Variants in VWA8 observed in about 807,000 individuals in gnomAD.
VWA8 encodes the protein von Willebrand factor A domain containing 8.
In VWA8, 221 loss-of-function variants were observed where a neutral mutation model predicts 241.5. The observed-to-expected ratio is 0.91, with a 90% CI of 0.82 to 1.02. The LOEUF (loss-of-function observed/expected upper bound fraction) is 1.02. VWA8 is among the 50% of genes least tolerant of loss of function. VWA8 has a pLI of 0.00. For synonymous variants in VWA8, 852 were observed against 827.1 expected, an observed-to-expected ratio of 1.03 and a Z score of -0.52; for missense variants, 2,322 against 2,328.7, an observed-to-expected ratio of 1.00 and a Z score of 0.06.
intron 12 of VWA8, among the ~76,000 whole-genome samples, chr13:41,837,527 G>A (rs1871795587): frequency 6.6e-6 from 1 of 152,154 alleles, no homozygotes; most frequent in Admixed American, 6.5e-5. Context: ...CTAATTTCAG[G>A]TAATAAGCTA....
At chr13:41,686,881 T>C (rs2045139882) in intron 34 of VWA8, among the ~76,000 whole-genome samples, 1 of 152,040 alleles carries the variant, frequency 6.6e-6, no homozygotes, top group Non-Finnish European at 1.5e-5. Context: ...CTACATCCCA[T>C]TCCAGGCTGC....
chr13:41,830,393 G>T, intron 14 of VWA8, 136 bp downstream of exon 14: 2 of 620,200 alleles, frequency 3.2e-6, no homozygotes, highest in Non-Finnish European at 5.3e-6. Context: ...TGCCAAAGTA[G>T]TGGCATATCC....
intron 26 of VWA8, among the ~76,000 whole-genome samples, chr13:41,712,967 T>C (rs1265655619): frequency 6.6e-6 from 1 of 152,234 alleles, no homozygotes; most frequent in Admixed American, 6.5e-5. Flanking sequence ...CCTCACTTGA[T>C]ATGTTTATGT....
chr13:41,617,564 C>T (rs1033471841), intron 37 of VWA8, among the ~76,000 whole-genome samples: 7 of 152,168 alleles, frequency 4.6e-5, no homozygotes, highest in African/African-American at 1.4e-4. Context: ...ATAGTATACA[C>T]ATGCCATGTT....
At chr13:41,744,196 A>C (rs2045587767) in intron 21 of VWA8, among the ~76,000 whole-genome samples, 1 of 152,192 alleles carries the variant, frequency 6.6e-6, no homozygotes, top group Admixed American at 6.5e-5. Flanking sequence ...ACCTCTTTTC[A>C]CTGGCCTTAT....
Position 41,783,889 on chromosome 13 carries a change from G to A in VWA8, c.2183C>T (p.Ser728Phe), listed in dbSNP as rs766638475. ...ELKDYKCEVT[S>F]GTLRIGAVSA... ...AACAGCACCAATCCTCAGAGTTCCA[G>A]ATGTTACTTCACCTAAACATTTCAC... Residue 728 changes from serine (S) to phenylalanine (F), a missense_variant, in exon 19 of 45, where the codon TCT (serine) becomes TTT (phenylalanine). Transcript: ENST00000379310. 2 of 1,613,268 alleles carry A rather than the reference G, an allele frequency of 1.2e-6. No individual in the cohort carries two copies. The highest frequency in any genetic ancestry group is 1.1e-5 in the South Asian group (1 of 90,984).
At chr13:41,904,123 A>T (rs888430038) in intron 4 of VWA8, among the ~76,000 whole-genome samples, 1 of 152,178 alleles carries the variant, frequency 6.6e-6, no homozygotes, top group African/African-American at 2.4e-5. Context: ...TTCTTTTTAG[A>T]AGGACCAAAG....
rs780179594 is a variant in VWA8, at chr13:41,699,179, G to A, written c.3456C>T (p.Asp1152=). ...NMTGKSGFFV[D]FFDIFPRTAN... ...CTGTTCTTGGGAAGATATCAAAAAA[G>A]TCCACAAAGAAGCCACTTTTCCCAG... The change falls in exon 29 of 45, where the codon GAC becomes GAT. Residue 1152 remains aspartate (D), a synonymous_variant. Transcript: ENST00000379310. 3 of 1,613,990 alleles carry A rather than the reference G, an allele frequency of 1.9e-6. No individual in the cohort carries two copies. Among genetic ancestry groups the A allele is most frequent in the Non-Finnish European group, 2.5e-6 (3 of 1,180,004 alleles).
In VWA8 at chr13:41,949,940, G is replaced by A. The variant is rs754347555; in HGVS notation, c.237C>T (p.Asn79=). Residue 79 remains asparagine, a synonymous_variant, in exon 2 of 45, where the codon AAC becomes AAT. Coordinates refer to ENST00000379310, the MANE Select transcript of VWA8 (RefSeq NM_015058.2). ...ATATTAATAAATATTTCTTACTGTA[G>A]TTCTGTGGCACAAGTTCTGGATTCT... is the stretch of plus-strand genomic sequence containing the variant. ...IPKNPELVPQ[N]YISDSLAQSV... is the part of the protein sequence containing the mutation. 6.4e-7 allele frequency: 1 copy of A among 1,573,084 alleles called. No individual in the cohort carries two copies. The highest frequency in any genetic ancestry group is 8.7e-7 in the Non-Finnish European group (1 of 1,152,846).
At chr13:41,599,092 G>A (rs1030409754) in intron 40 of VWA8, among the ~76,000 whole-genome samples, 3 of 152,066 alleles carry the variant, frequency 2.0e-5, no homozygotes, top group Non-Finnish European at 4.4e-5. Flanking sequence ...TATTTGTTGG[G>A]ACGACTCAGG....
chr13:41,882,794 G>A (rs1874315213), intron 9 of VWA8, among the ~76,000 whole-genome samples: 1 of 151,782 alleles, frequency 6.6e-6, no homozygotes, highest in South Asian at 2.1e-4. Context: ...GGAGACCGTG[G>A]AAAGAGAGGG....
intron 40 of VWA8, among the ~76,000 whole-genome samples, chr13:41,596,514 A>G (rs1450996556): frequency 1.3e-5 from 2 of 152,092 alleles, no homozygotes; most frequent in African/African-American, 4.8e-5. Flanking sequence ...TAAAAGGCCA[A>G]ACATGTTCTT....
intron 37 of VWA8, among the ~76,000 whole-genome samples, chr13:41,642,132 A>T (rs1042065857): frequency 2.1e-4 from 32 of 152,206 alleles, no homozygotes; most frequent in African/African-American, 7.5e-4. Flanking sequence ...TAATTATACC[A>T]TTTAGGTATT....
chr13:41,716,641 T>C (rs1350993175), intron 26 of VWA8, among the ~76,000 whole-genome samples: 1 of 152,054 alleles, frequency 6.6e-6, no homozygotes, highest in Non-Finnish European at 1.5e-5. Context: ...CCATCCTGAG[T>C]GTGGGTATGA....
chr13:41,694,760 G>C (rs1190824990), intron 29 of VWA8, among the ~76,000 whole-genome samples: 2 of 152,046 alleles, frequency 1.3e-5, no homozygotes, highest in African/African-American at 4.8e-5. Context: ...AAATGAGTAA[G>C]CATAAGAATA....
intron 21 of VWA8, among the ~76,000 whole-genome samples, chr13:41,751,612 A>G (rs2045656573): frequency 6.6e-6 from 1 of 152,168 alleles, no homozygotes; most frequent in Non-Finnish European, 1.5e-5. Context: ...AGAGCCTCAT[A>G]TATTGAATTA....
intron 43 of VWA8, among the ~76,000 whole-genome samples, chr13:41,574,200 A>T (rs890734158): frequency 1.4e-5 from 2 of 146,070 alleles, no homozygotes; most frequent in Non-Finnish European, 2.9e-5. Flanking sequence ...GAAAACCCTA[A>T]AGTCTGATAA....
chr13:41,819,192 T>C (rs758827971), intron 15 of VWA8, 26 bp downstream of exon 15: 11 of 1,576,776 alleles, frequency 7.0e-6, no homozygotes, highest in Middle Eastern at 1.7e-4. Flanking sequence ...TTTAAGAAAA[T>C]AGACTAAGAT....
chr13:41,894,293 C>A lies in VWA8; in HGVS notation c.484-2706G>T, dbSNP rs116534636. Among the ~76,000 whole-genome samples the A allele has an allele frequency of 1.7e-3, 259 of 152,296 alleles. 2 individuals carry two copies. Among genetic ancestry groups the A allele is most frequent in the African/African-American group, 5.7e-3 (238 of 41,554 alleles). ...TCTCTTCAAAGGAATTCAGAACAAGCTATGCAGAGAGATCAAAAACAGAAG... is the reference window on the plus strand; with the variant it reads ...TCTCTTCAAAGGAATTCAGAACAAGATATGCAGAGAGATCAAAAACAGAAG... On this transcript the variant is annotated intron_variant, in intron 4 of 44. Coordinates refer to ENST00000379310, the MANE Select transcript of VWA8 (RefSeq NM_015058.2).
Sources: gnomAD v4.1 joint callset for allele counts (sites outside exome capture counted in the v4.1 genomes callset) on GRCh38, gnomAD v4.1.1 for gene constraint, MANE v1.5 for transcripts, NCBI Gene and HGNC (gene_info 2026-07-23, HGNC 2026-07-21) for gene names.